The following TFDP2 variants were observed in gnomAD, a reference collection of about 807,000 sequenced individuals.
TFDP2 encodes the protein transcription factor Dp-2 (E2F dimerization partner 2).
In TFDP2, 17 loss-of-function variants were observed where a neutral mutation model predicts 59.3. The ratio of observed to expected loss-of-function variants is 0.29; its 90% confidence interval spans 0.20 to 0.43. The LOEUF (loss-of-function observed/expected upper bound fraction) is 0.43, where lower values mean the gene tolerates loss of function less well. TFDP2 is among the 20% of genes least tolerant of loss of function. The pLI, the probability that TFDP2 is intolerant of heterozygous loss-of-function variation, is 1.00. For synonymous variants in TFDP2, 180 were observed against 194.7 expected (o/e 0.92, Z 0.63); for missense variants, 391 against 528.8 (o/e 0.74, Z 2.56).
chr3:142,079,579 C>A (rs1400055971), intron 3 of TFDP2, among the ~76,000 whole-genome samples: 1 of 151,994 alleles, frequency 6.6e-6, no homozygotes, highest in Non-Finnish European at 1.5e-5. Context: ...CAAAGACTAC[C>A]TCAAGGGATT....
chr3:142,016,632 T>A lies in TFDP2; in HGVS notation c.83-11088A>T, dbSNP rs1236527438. On this transcript the variant is annotated intron_variant, in intron 3 of 12. Transcript: ENST00000489671. Reference sequence around the variant, plus strand: ...TAAGTTTTAGTAAATGTTTGTATAATGTTTTAATAAATGTTTGGGTTCAAT... The same window carrying A: ...TAAGTTTTAGTAAATGTTTGTATAAAGTTTTAATAAATGTTTGGGTTCAAT... 2.0e-5 allele frequency among the ~76,000 whole-genome samples: 3 copies of A among 152,216 alleles called. No individual in the cohort carries two copies. The East Asian group carries it at 5.8e-4, about 29-fold the overall frequency.
chr3:142,112,077 A>G (rs1454676785), intron 1 of TFDP2, among the ~76,000 whole-genome samples: 1 of 151,782 alleles, frequency 6.6e-6, no homozygotes, highest in Non-Finnish European at 1.5e-5. Context: ...AAAAAAAAAA[A>G]TTAAATCAGA....
intron 6 of TFDP2, among the ~76,000 whole-genome samples, chr3:141,985,120 G>T (rs972013311): frequency 2.6e-5 from 4 of 151,934 alleles, no homozygotes; most frequent in African/African-American, 9.7e-5. Context: ...ATTAGAAAAT[G>T]AGGATTAAAA....
At chr3:142,030,741 C>CTTTT (rs56836983) in intron 3 of TFDP2, among the ~76,000 whole-genome samples, 15 of 121,784 alleles carry the variant, frequency 1.2e-4, no homozygotes, top group African/African-American at 1.3e-4. Context: ...CCCGTGTTCT[C>CTTTT]TTTTTTTTTT....
rs1935854744 is a variant in TFDP2, at chr3:141,950,700, C to T, written c.*1813G>A. On this transcript the variant is annotated 3_prime_UTR_variant, in exon 13 of 13. Transcript: ENST00000489671. ...TGGAGTTAGTAAAAGAGGAGGCTGC[C>T]CCTTAAAGGACAGTTTGGTTTGGAG... is the stretch of plus-strand genomic sequence containing the variant. The T allele has an allele frequency of 2.0e-5, 3 of 152,722 alleles. No individual in the cohort carries two copies. The South Asian group carries it at 6.2e-4, about 32-fold the overall frequency. 9.5% of individuals were successfully genotyped at this position (152,722 alleles called of 1,614,324 possible). A position where few individuals can be genotyped will look rare whatever the true frequency, so the allele number is the denominator to read the frequency against.
chr3:141,965,494 G>C (rs572907110), intron 9 of TFDP2, among the ~76,000 whole-genome samples: 1 of 110,384 alleles, frequency 9.1e-6, no homozygotes, highest in East Asian at 3.1e-4. Context: ...CCTTTCTCAA[G>C]AAGAAAAAGA....
chr3:142,035,585 C>T (rs1304721232), intron 3 of TFDP2, among the ~76,000 whole-genome samples: 1 of 152,190 alleles, frequency 6.6e-6, no homozygotes, highest in South Asian at 2.1e-4. Flanking sequence ...AGTGGTAAAA[C>T]TGAGATTCTA....
chr3:141,990,999 A>G (rs1942703653), intron 6 of TFDP2, among the ~76,000 whole-genome samples: 1 of 151,904 alleles, frequency 6.6e-6, no homozygotes, highest in South Asian at 2.1e-4. Flanking sequence ...CGTAAGTTGC[A>G]GCGAGCCGAG....
At chr3:142,017,858 T>C (rs1225471486) in intron 3 of TFDP2, among the ~76,000 whole-genome samples, 1 of 151,894 alleles carries the variant, frequency 6.6e-6, no homozygotes, top group African/African-American at 2.4e-5. Context: ...GCCAAAGATA[T>C]CCTTCTATCA....
At chr3:141,952,822 G>A in intron 12 of TFDP2, 89 bp downstream of exon 12, 1 of 1,539,878 alleles carries the variant, frequency 6.5e-7, no homozygotes, top group East Asian at 2.2e-5. Context: ...AGCAGGACCT[G>A]TGCTGGCAGT....
chr3:141,958,947 CTTT>C (rs984082447), intron 11 of TFDP2, among the ~76,000 whole-genome samples: 1,527 of 103,574 alleles, frequency 0.015, 8 homozygotes, highest in Non-Finnish European at 0.023. Flanking sequence ...GATGTACCTA[CTTT>C]TTTTTTTTTT....
intron 4 of TFDP2, among the ~76,000 whole-genome samples, chr3:142,004,544 A>G (rs1430709012): frequency 2.6e-5 from 4 of 152,232 alleles, no homozygotes; most frequent in Admixed American, 1.3e-4. Flanking sequence ...TTGCTTATAA[A>G]TAAGTCTTCT....
intron 1 of TFDP2, among the ~76,000 whole-genome samples, chr3:142,133,565 T>C (rs2062596532): frequency 6.6e-6 from 1 of 150,716 alleles, no homozygotes; most frequent in African/African-American, 2.5e-5. Flanking sequence ...TGGCACAATC[T>C]TGGCTCACTG....
intron 4 of TFDP2, among the ~76,000 whole-genome samples, chr3:142,001,015 G>A (rs568602213): frequency 2.0e-5 from 3 of 152,168 alleles, no homozygotes; most frequent in Non-Finnish European, 2.9e-5. Context: ...CTCCCAGGCT[G>A]GAGTTGCATG....
intron 11 of TFDP2, among the ~76,000 whole-genome samples, 197 bp from the exon 12 acceptor site, chr3:141,953,213 GAA>G (rs140575104): frequency 6.8e-6 from 1 of 148,102 alleles, no homozygotes; most frequent in Non-Finnish European, 1.5e-5. Flanking sequence ...ATAAGAGCAG[GAA>G]AAAAAAAATA....
chr3:142,088,403 G>A lies in TFDP2; in HGVS notation c.82+4658C>T, dbSNP rs555993071. Among the ~76,000 whole-genome samples, 18 of 147,766 alleles carry A rather than the reference G, an allele frequency of 1.2e-4. No individual in the cohort carries two copies. In the East Asian group the frequency reaches 3.7e-3, roughly 30 times the overall value. On this transcript the variant is annotated intron_variant, in intron 3 of 12. Transcript: ENST00000489671. ...TGGAGTGCGGTGGCGTGATCTTGAC[G>A]CACTGCAACCTCCACCTCCCGGGTT...
At chr3:141,974,262 C>T in intron 7 of TFDP2, 71 bp from the exon 8 acceptor site, 1 of 1,286,562 alleles carries the variant, frequency 7.8e-7, no homozygotes, top group Non-Finnish European at 1.0e-6. Flanking sequence ...ATGAATATAT[C>T]AAATTAATAT....
intron 3 of TFDP2, among the ~76,000 whole-genome samples, chr3:142,024,771 G>C (rs1184912836): frequency 6.6e-6 from 1 of 152,192 alleles, no homozygotes; most frequent in Non-Finnish European, 1.5e-5. Context: ...TGTAATCCCA[G>C]CACTTTGGGA....
At chr3:142,049,655 C>T (rs1021360537) in intron 3 of TFDP2, among the ~76,000 whole-genome samples, 3 of 152,036 alleles carry the variant, frequency 2.0e-5, no homozygotes, top group South Asian at 2.1e-4. Context: ...GAAAGGAATA[C>T]GTAAAATTTG....
Sources: gnomAD v4.1 joint callset for allele counts (sites outside exome capture counted in the v4.1 genomes callset) on GRCh38, gnomAD v4.1.1 for gene constraint, MANE v1.5 for transcripts, NCBI Gene and HGNC (gene_info 2026-07-23, HGNC 2026-07-21) for gene names.